Variants in ARMH3 observed in about 807,000 individuals in gnomAD.
ARMH3 encodes armadillo-like helical domain-containing protein 3.
Under a neutral mutation model 99.1 loss-of-function variants are expected in ARMH3, and 60 were observed. That is an observed-to-expected ratio of 0.61 (90% CI 0.49 to 0.75). ARMH3 has a LOEUF of 0.75. ARMH3 is among the 30% of genes least tolerant of loss of function. The probability of loss-of-function intolerance (pLI) is 0.00; values close to 1 mark genes in which losing one functional copy is unlikely to be tolerated. For missense variants in ARMH3, 679 were observed against 843.1 expected (o/e 0.81, Z 2.41); for synonymous variants, 285 against 292.8 (o/e 0.97, Z 0.27).
intron 8 of ARMH3, among the ~76,000 whole-genome samples, chr10:102,015,189 C>T (rs774302164): frequency 8.5e-5 from 13 of 152,128 alleles, no homozygotes; most frequent in Non-Finnish European, 1.9e-4. Flanking sequence ...CTTCCTATAA[C>T]CAACAGTCAA....
chr10:101,998,123 A>G (rs1214942947), intron 15 of ARMH3, among the ~76,000 whole-genome samples: 3 of 152,238 alleles, frequency 2.0e-5, no homozygotes, highest in African/African-American at 7.2e-5. Context: ...AGTGACCAAG[A>G]CAAAGAAGCT....
intron 22 of ARMH3, among the ~76,000 whole-genome samples, chr10:101,951,881 A>G (rs1275743319): frequency 6.9e-6 from 1 of 144,860 alleles, no homozygotes; most frequent in Non-Finnish European, 1.5e-5. Flanking sequence ...AAAAAAAAAA[A>G]GAAGAAGAAG....
chr10:101,944,241 C>A (rs1844373972), intron 22 of ARMH3, among the ~76,000 whole-genome samples: 1 of 22,988 alleles, frequency 4.4e-5, no homozygotes, highest in Non-Finnish European at 7.2e-5. Context: ...ATTGCTTGAG[C>A]CTATATATAT....
At chr10:101,954,025 C>G (rs1421064723) in intron 22 of ARMH3, among the ~76,000 whole-genome samples, 2 of 152,096 alleles carry the variant, frequency 1.3e-5, no homozygotes, top group Non-Finnish European at 2.9e-5. Flanking sequence ...AACCCTGTCT[C>G]TACTAAAAAT....
chr10:102,046,822 G>A (rs2067565215), intron 1 of ARMH3, among the ~76,000 whole-genome samples: 1 of 152,188 alleles, frequency 6.6e-6, no homozygotes. Context: ...ACAAAGCTGA[G>A]GGCCTACAGA....
At chr10:102,055,012 AAAAC>A (rs916807296) in intron 1 of ARMH3, among the ~76,000 whole-genome samples, 28 of 148,334 alleles carry the variant, frequency 1.9e-4, no homozygotes, top group South Asian at 1.1e-3. Flanking sequence ...AACAAAAAAC[AAAAC>A]AAACAAACAA....
intron 23 of ARMH3, among the ~76,000 whole-genome samples, chr10:101,927,532 C>A (rs2135643205): frequency 6.6e-6 from 1 of 152,332 alleles, no homozygotes; most frequent in Non-Finnish European, 1.5e-5. Context: ...CTCTGAGTTA[C>A]CACTAGACAT....
chr10:101,949,170 G>C (rs924390801), intron 22 of ARMH3, among the ~76,000 whole-genome samples: 1 of 151,780 alleles, frequency 6.6e-6, no homozygotes, highest in Non-Finnish European at 1.5e-5. Flanking sequence ...AACTATGCTT[G>C]CACCCTAAAA....
At chr10:101,982,410 C>T (rs1024080902) in intron 19 of ARMH3, among the ~76,000 whole-genome samples, 1 of 152,054 alleles carries the variant, frequency 6.6e-6, no homozygotes, top group Admixed American at 6.6e-5. Flanking sequence ...ATGTATTTTA[C>T]AAACCGTACA....
At chr10:102,011,435 A>C (rs375951395) in intron 11 of ARMH3, among the ~76,000 whole-genome samples, 1 of 152,114 alleles carries the variant, frequency 6.6e-6, no homozygotes, top group South Asian at 2.1e-4. Context: ...TTAATTAATT[A>C]ATTAATTAAT....
intron 24 of ARMH3, among the ~76,000 whole-genome samples, chr10:101,880,141 G>A (rs1291810082): frequency 6.6e-6 from 1 of 152,252 alleles, no homozygotes; most frequent in Non-Finnish European, 1.5e-5. Context: ...GGGAGGCAGT[G>A]AAAGACTACA....
At chr10:101,903,290 A>C (rs1319857077) in intron 23 of ARMH3, among the ~76,000 whole-genome samples, 3 of 152,212 alleles carry the variant, frequency 2.0e-5, no homozygotes, top group African/African-American at 7.2e-5. Context: ...GACTCTTGAT[A>C]ATTCAGTTTG....
intron 5 of ARMH3, among the ~76,000 whole-genome samples, chr10:102,025,736 A>G (rs1160229826): frequency 6.6e-6 from 1 of 152,108 alleles, no homozygotes; most frequent in Non-Finnish European, 1.5e-5. Flanking sequence ...TGCAACCTCA[A>G]ACTGCTGGGA....
At chr10:102,001,462 C>T (rs1369181926) in intron 15 of ARMH3, among the ~76,000 whole-genome samples, 2 of 152,302 alleles carry the variant, frequency 1.3e-5, no homozygotes, top group African/African-American at 2.4e-5. Context: ...TTTTCCAACA[C>T]TCAATCCTCT....
chr10:102,027,824 A>C (rs1325604719), intron 5 of ARMH3, among the ~76,000 whole-genome samples: 1 of 151,616 alleles, frequency 6.6e-6, no homozygotes, highest in Non-Finnish European at 1.5e-5. Context: ...TTTTTTTGTA[A>C]CCTAATCATT....
intron 1 of ARMH3, among the ~76,000 whole-genome samples, chr10:102,055,319 AAAT>A (rs2067817166): frequency 6.6e-6 from 1 of 151,410 alleles, no homozygotes; most frequent in African/African-American, 2.4e-5. Flanking sequence ...ATAAATAAAT[AAAT>A]AAATAAAATA....
intron 23 of ARMH3, among the ~76,000 whole-genome samples, chr10:101,931,383 A>G (rs897997180): frequency 6.6e-5 from 10 of 152,110 alleles, no homozygotes; most frequent in African/African-American, 1.9e-4. Flanking sequence ...AAATTAGGCC[A>G]GTGTGGTGGT....
At chr10:102,021,736 C>T (rs374987223) in intron 8 of ARMH3, among the ~76,000 whole-genome samples, 3 of 151,974 alleles carry the variant, frequency 2.0e-5, no homozygotes, top group East Asian at 1.9e-4. Context: ...TTAGTAGAGA[C>T]GGGGTTTCAC....
chr10:101,954,563 A>G (rs886214677), intron 22 of ARMH3, among the ~76,000 whole-genome samples: 6 of 152,178 alleles, frequency 3.9e-5, no homozygotes, highest in African/African-American at 1.2e-4. Context: ...AATTTTTTGG[A>G]TAGTGAAACT....
Sources: allele counts gnomAD v4.1 joint callset (sites outside exome capture counted in the v4.1 genomes callset), GRCh38; gene constraint gnomAD v4.1.1; transcripts MANE v1.5; gene names NCBI Gene and HGNC (gene_info 2026-07-23, HGNC 2026-07-21).